The following H2BC10 variants were observed in gnomAD, a reference collection of about 807,000 sequenced individuals.
H2BC10 encodes H2B clustered histone 10, also known as histone H2B type 1-C/E/F/G/I.
In H2BC10, 6 loss-of-function variants were observed where a neutral mutation model predicts 6.4. The observed-to-expected ratio is 0.93, with a 90% confidence interval of 0.51 to 1.84. H2BC10 has a LOEUF of 1.84. Among genes scored for constraint, H2BC10 ranks in the 40% most tolerant of loss-of-function variants. H2BC10 has a pLI of 0.01. For synonymous variants in H2BC10, 120 were observed against 72.8 expected (o/e 1.65, Z -3.30); for missense variants, 191 against 168.7 (o/e 1.13, Z -0.73).
rs758401818 is a variant in H2BC10 at position 26,273,328 on chromosome 6, C to G, written c.353C>G (p.Ala118Gly). The G allele has an allele frequency of 2.5e-6, 4 of 1,614,030 alleles. No homozygotes were observed. Among genetic ancestry groups the G allele is most frequent in the Non-Finnish European group, 1.7e-6 (2 of 1,179,996 alleles). ...AKHAVSEGTK[A>G]VTKYTSSK is the part of the protein sequence containing the mutation. ...CACGCGGTGTCGGAGGGCACCAAGGCGGTCACCAAGTACACCAGCTCCAAG... is the reference window on the plus strand; with the variant it reads ...CACGCGGTGTCGGAGGGCACCAAGGGGGTCACCAAGTACACCAGCTCCAAG... Residue 118 changes from alanine to glycine, a missense_variant, in exon 1 of 1, where the codon GCG becomes GGG. By Grantham distance (60) the Ala-to-Gly change is moderately conservative (BLOSUM62 0). Transcript: ENST00000377733.
At position 26,272,967 on chromosome 6, in the gene H2BC10, G is replaced by A. The variant is rs372822451; in HGVS notation, c.-9G>A. On this transcript the variant is annotated 5_prime_UTR_variant, in exon 1 of 1. Coordinates refer to ENST00000377733, the MANE Select transcript of H2BC10 (RefSeq NM_003525.3). Reference sequence around the variant, plus strand: ...GTGGTCATTTGACGGTATCACTTCGGCTGCGAACATGCCTGAACCAGCTAA... The same window carrying A: ...GTGGTCATTTGACGGTATCACTTCGACTGCGAACATGCCTGAACCAGCTAA... The A allele has an allele frequency of 1.4e-5, 22 of 1,614,152 alleles. No homozygotes were observed. Among genetic ancestry groups the A allele is most frequent in the Non-Finnish European group, 1.9e-5 (22 of 1,180,030 alleles).
rs759342716 is a variant in H2BC10, at chr6:26,273,399, C to G, written c.*43C>G. 1 of 1,588,390 alleles carries G rather than the reference C, an allele frequency of 6.3e-7. No homozygotes were observed. Among genetic ancestry groups the G allele is most frequent in the South Asian group, 1.1e-5 (1 of 87,484 alleles). Reference sequence around the variant, plus strand: ...AAGCGCTAACGACCCAAAGGCTCTTCTAAGAGCCACCCATGTTGTCATTTA... The same window carrying G: ...AAGCGCTAACGACCCAAAGGCTCTTGTAAGAGCCACCCATGTTGTCATTTA... On this transcript the variant is annotated 3_prime_UTR_variant, in exon 1 of 1. Coordinates refer to ENST00000377733, the MANE Select transcript of H2BC10 (RefSeq NM_003525.3).
chr6:26,273,220 C>T lies in H2BC10; in HGVS notation c.245C>T (p.Ala82Val), dbSNP rs747843809. 1.9e-6 allele frequency: 3 copies of T among 1,614,200 alleles called. No homozygotes were observed. The highest frequency in any genetic ancestry group is 2.5e-6 in the Non-Finnish European group (3 of 1,180,034). Reference sequence around the variant, plus strand: ...ATTGCAGGCGAGGCTTCCCGCCTGGCGCATTATAACAAGCGCTCGACCATC... The same window carrying T: ...ATTGCAGGCGAGGCTTCCCGCCTGGTGCATTATAACAAGCGCTCGACCATC... The part of the protein sequence containing the change: ...ERIAGEASRL[A>V]HYNKRSTITS... Residue 82 changes from alanine (A) to valine (V), a missense_variant, in exon 1 of 1, where the codon GCG (alanine) becomes GTG (valine). Coordinates refer to ENST00000377733, the MANE Select transcript of H2BC10 (RefSeq NM_003525.3).
At position 26,273,154 on chromosome 6, in the gene H2BC10, T is replaced by C. The variant is rs747788870; in HGVS notation, c.179T>C (p.Met60Thr). The C allele has an allele frequency of 3.7e-6, 6 of 1,614,224 alleles. No individual in the cohort carries two copies. The highest frequency in any genetic ancestry group is 1.7e-5 in the Admixed American group (1 of 60,034). ...HPDTGISSKA[M>T]GIMNSFVNDI... is the part of the protein sequence containing the mutation. ...GACACCGGCATCTCGTCCAAGGCTA[T>C]GGGGATTATGAACTCCTTCGTCAAC... Residue 60 changes from methionine to threonine, a missense_variant, in exon 1 of 1, where the codon ATG becomes ACG. By Grantham distance (81) the Met-to-Thr change is moderately conservative (BLOSUM62 -1). Coordinates refer to ENST00000377733, the MANE Select transcript of H2BC10 (RefSeq NM_003525.3).
In H2BC10 at chr6:26,273,066, A is replaced by C. The variant is rs1760493273; in HGVS notation, c.91A>C (p.Lys31Gln). The C allele has an allele frequency of 6.2e-7, 1 of 1,614,262 alleles. No individual in the cohort carries two copies. The highest frequency in any genetic ancestry group is 8.5e-7 in the Non-Finnish European group (1 of 1,180,050). ...ACAGAAGAAGGATGGCAAGAAGCGCAAGCGCAGCCGCAAGGAGAGCTATTC... is the reference window on the plus strand; with the variant it reads ...ACAGAAGAAGGATGGCAAGAAGCGCCAGCGCAGCCGCAAGGAGAGCTATTC... Reference protein sequence around the residue: ...KAQKKDGKKRKRSRKESYSVY... With the variant: ...KAQKKDGKKRQRSRKESYSVY... The change falls in exon 1 of 1, where the codon AAG (lysine) becomes CAG (glutamine). Residue 31 changes from lysine (K) to glutamine (Q), a missense_variant. By Grantham distance (53) the Lys-to-Gln change is moderately conservative (BLOSUM62 1). Coordinates refer to ENST00000377733, the MANE Select transcript of H2BC10 (RefSeq NM_003525.3).
chr6:26,273,266 G>A lies in H2BC10; in HGVS notation c.291G>A (p.Thr97=). The A allele has an allele frequency of 1.2e-6, 2 of 1,614,224 alleles. No individual in the cohort carries two copies. The highest frequency in any genetic ancestry group is 1.7e-6 in the Non-Finnish European group (2 of 1,180,038). ...CCATCACTTCCAGGGAGATCCAAAC[G>A]GCTGTGCGCCTGCTGCTACCCGGGG... The part of the protein sequence containing the change: ...RSTITSREIQ[T]AVRLLLPGEL... The change falls in exon 1 of 1, where the codon ACG becomes ACA. Residue 97 remains threonine (T), a synonymous_variant. Transcript: ENST00000377733.
chr6:26,273,364 AC>A lies in H2BC10; in HGVS notation c.*10del. Reference sequence around the variant, plus strand: ...TACACCAGCTCCAAGTAAACTAGTTACCTGGGTAAAAGCGCTAACGACCCAA... The same window carrying A: ...TACACCAGCTCCAAGTAAACTAGTTACTGGGTAAAAGCGCTAACGACCCAA... On this transcript the variant is annotated 3_prime_UTR_variant, in exon 1 of 1. Transcript: ENST00000377733. 2 of 1,612,954 alleles carry A rather than the reference AC, an allele frequency of 1.2e-6. No individual in the cohort carries two copies. Among genetic ancestry groups the A allele is most frequent in the South Asian group, 2.2e-5 (2 of 90,998 alleles).
chr6:26,273,088 A>G lies in H2BC10; in HGVS notation c.113A>G (p.Tyr38Cys). Reference sequence around the variant, plus strand: ...CGCAAGCGCAGCCGCAAGGAGAGCTATTCCGTGTACGTGTACAAGGTGCTG... The same window carrying G: ...CGCAAGCGCAGCCGCAAGGAGAGCTGTTCCGTGTACGTGTACAAGGTGCTG... ...KKRKRSRKES[Y>C]SVYVYKVLKQ... Residue 38 changes from tyrosine to cysteine, a missense_variant, in exon 1 of 1, where the codon TAT becomes TGT. Transcript: ENST00000377733. The G allele has an allele frequency of 1.2e-6, 2 of 1,614,258 alleles. No homozygotes were observed. The highest frequency in any genetic ancestry group is 1.6e-4 in the Middle Eastern group (1 of 6,062).
chr6:26,273,378 G>T lies in H2BC10; in HGVS notation c.*22G>T. The T allele has an allele frequency of 1.2e-6, 2 of 1,609,310 alleles. No individual in the cohort carries two copies. Among genetic ancestry groups the T allele is most frequent in the Admixed American group, 1.7e-5 (1 of 59,058 alleles). Reference sequence around the variant, plus strand: ...GTAAACTAGTTACCTGGGTAAAAGCGCTAACGACCCAAAGGCTCTTCTAAG... The same window carrying T: ...GTAAACTAGTTACCTGGGTAAAAGCTCTAACGACCCAAAGGCTCTTCTAAG... On this transcript the variant is annotated 3_prime_UTR_variant, in exon 1 of 1. Transcript: ENST00000377733.
chr6:26,273,182 C>T lies in H2BC10; in HGVS notation c.207C>T (p.Asp69=), dbSNP rs763127270. The change falls in exon 1 of 1, where the codon GAC becomes GAT. Residue 69 remains aspartate, a synonymous_variant. Coordinates refer to ENST00000377733, the MANE Select transcript of H2BC10 (RefSeq NM_003525.3). ...AMGIMNSFVN[D]IFERIAGEAS... ...GGATTATGAACTCCTTCGTCAACGACATTTTCGAGCGCATTGCAGGCGAGG... is the reference window on the plus strand; with the variant it reads ...GGATTATGAACTCCTTCGTCAACGATATTTTCGAGCGCATTGCAGGCGAGG... 4 of 1,614,128 alleles carry T rather than the reference C, an allele frequency of 2.5e-6. No homozygotes were observed. Among genetic ancestry groups the T allele is most frequent in the Non-Finnish European group, 3.4e-6 (4 of 1,180,042 alleles).
chr6:26,273,324 A>C lies in H2BC10; in HGVS notation c.349A>C (p.Lys117Gln). 6.2e-7 allele frequency: 1 copy of C among 1,614,180 alleles called. No homozygotes were observed. Residue 117 changes from lysine to glutamine, a missense_variant, in exon 1 of 1, where the codon AAG (lysine) becomes CAG (glutamine). Coordinates refer to ENST00000377733, the MANE Select transcript of H2BC10 (RefSeq NM_003525.3). Reference protein sequence around the residue: ...LAKHAVSEGTKAVTKYTSSK With the variant: ...LAKHAVSEGTQAVTKYTSSK ...CAAACACGCGGTGTCGGAGGGCACCAAGGCGGTCACCAAGTACACCAGCTC... is the reference window on the plus strand; with the variant it reads ...CAAACACGCGGTGTCGGAGGGCACCCAGGCGGTCACCAAGTACACCAGCTC...
rs1232301972 is a variant in H2BC10, at chr6:26,273,191, G to A, written c.216G>A (p.Glu72=). Residue 72 remains glutamate, a synonymous_variant, in exon 1 of 1, where the codon GAG becomes GAA. Coordinates refer to ENST00000377733, the MANE Select transcript of H2BC10 (RefSeq NM_003525.3). ...ACTCCTTCGTCAACGACATTTTCGA[G>A]CGCATTGCAGGCGAGGCTTCCCGCC... ...IMNSFVNDIF[E]RIAGEASRLA... is the part of the protein sequence containing the mutation. 1.2e-6 allele frequency: 2 copies of A among 1,614,240 alleles called. No homozygotes were observed. The highest frequency in any genetic ancestry group is 1.7e-6 in the Non-Finnish European group (2 of 1,180,038).
rs776323126 is a variant in H2BC10, at chr6:26,272,945, G to C, written c.-31G>C. ...TTGGGCTCACCAGCATTTTCCTGTG[G>C]TCATTTGACGGTATCACTTCGGCTG... On this transcript the variant is annotated 5_prime_UTR_variant, in exon 1 of 1. Transcript: ENST00000377733. The C allele has an allele frequency of 1.4e-5, 22 of 1,613,576 alleles. No individual in the cohort carries two copies. The highest frequency in any genetic ancestry group is 1.8e-5 in the Non-Finnish European group (21 of 1,179,840).
Position 26,273,088 on chromosome 6 carries a change from A to C in H2BC10, c.113A>C (p.Tyr38Ser). Residue 38 changes from tyrosine (Y) to serine (S), a missense_variant, in exon 1 of 1, where the codon TAT (tyrosine) becomes TCT (serine). Coordinates refer to ENST00000377733, the MANE Select transcript of H2BC10 (RefSeq NM_003525.3). ...KKRKRSRKES[Y>S]SVYVYKVLKQ... is the part of the protein sequence containing the mutation. ...CGCAAGCGCAGCCGCAAGGAGAGCT[A>C]TTCCGTGTACGTGTACAAGGTGCTG... The C allele has an allele frequency of 1.2e-6, 2 of 1,614,258 alleles. No individual in the cohort carries two copies. The highest frequency in any genetic ancestry group is 1.7e-6 in the Non-Finnish European group (2 of 1,180,036).
Position 26,272,957 on chromosome 6 carries a change from T to C in H2BC10, c.-19T>C. On this transcript the variant is annotated 5_prime_UTR_variant, in exon 1 of 1. Transcript: ENST00000377733. ...GCATTTTCCTGTGGTCATTTGACGGTATCACTTCGGCTGCGAACATGCCTG... is the reference window on the plus strand; with the variant it reads ...GCATTTTCCTGTGGTCATTTGACGGCATCACTTCGGCTGCGAACATGCCTG... The C allele has an allele frequency of 6.2e-7, 1 of 1,614,076 alleles. No individual in the cohort carries two copies. The highest frequency in any genetic ancestry group is 2.2e-5 in the East Asian group (1 of 44,870).
Position 26,273,030 on chromosome 6 carries a change from G to A in H2BC10, c.55G>A (p.Val19Met), listed in dbSNP as rs1760491478. The A allele has an allele frequency of 6.2e-7, 1 of 1,614,106 alleles. No homozygotes were observed. Among genetic ancestry groups the A allele is most frequent in the African/African-American group, 1.3e-5 (1 of 74,940 alleles). The stretch of plus-strand genomic sequence containing the variant: ...CCCGAAGAAGGGCTCCAAGAAGGCG[G>A]TGACCAAGGCACAGAAGAAGGATGG... ...PAPKKGSKKA[V>M]TKAQKKDGKK... Residue 19 changes from valine to methionine, a missense_variant, in exon 1 of 1, where the codon GTG becomes ATG. Val to Met is a conservative substitution (Grantham distance 21, BLOSUM62 1). Coordinates refer to ENST00000377733, the MANE Select transcript of H2BC10 (RefSeq NM_003525.3).
Position 26,273,047 on chromosome 6 carries a change from G to T in H2BC10, c.72G>T (p.Lys24Asn). The T allele has an allele frequency of 6.2e-7, 1 of 1,614,268 alleles. No homozygotes were observed. Among genetic ancestry groups the T allele is most frequent in the Non-Finnish European group, 8.5e-7 (1 of 1,180,040 alleles). Reference sequence around the variant, plus strand: ...AGAAGGCGGTGACCAAGGCACAGAAGAAGGATGGCAAGAAGCGCAAGCGCA... The same window carrying T: ...AGAAGGCGGTGACCAAGGCACAGAATAAGGATGGCAAGAAGCGCAAGCGCA... Reference protein sequence around the residue: ...GSKKAVTKAQKKDGKKRKRSR... With the variant: ...GSKKAVTKAQNKDGKKRKRSR... The change falls in exon 1 of 1, where the codon AAG (lysine) becomes AAT (asparagine). Residue 24 changes from lysine (K) to asparagine (N), a missense_variant. Lys to Asn is a moderately conservative substitution (Grantham distance 94). Transcript: ENST00000377733.
In H2BC10 at chr6:26,273,167, C is replaced by T. The variant is rs776501775; in HGVS notation, c.192C>T (p.Asn64=). Residue 64 remains asparagine, a synonymous_variant, in exon 1 of 1, where the codon AAC becomes AAT. Coordinates refer to ENST00000377733, the MANE Select transcript of H2BC10 (RefSeq NM_003525.3). ...CGTCCAAGGCTATGGGGATTATGAACTCCTTCGTCAACGACATTTTCGAGC... is the reference window on the plus strand; with the variant it reads ...CGTCCAAGGCTATGGGGATTATGAATTCCTTCGTCAACGACATTTTCGAGC... ...GISSKAMGIM[N]SFVNDIFERI... 5.6e-6 allele frequency: 9 copies of T among 1,614,124 alleles called. No individual in the cohort carries two copies. Among genetic ancestry groups the T allele is most frequent in the South Asian group, 1.1e-5 (1 of 91,092 alleles).
chr6:26,272,968 C>T lies in H2BC10; in HGVS notation c.-8C>T. On this transcript the variant is annotated 5_prime_UTR_variant, in exon 1 of 1. Transcript: ENST00000377733. Reference sequence around the variant, plus strand: ...TGGTCATTTGACGGTATCACTTCGGCTGCGAACATGCCTGAACCAGCTAAG... The same window carrying T: ...TGGTCATTTGACGGTATCACTTCGGTTGCGAACATGCCTGAACCAGCTAAG... 2 of 1,614,058 alleles carry T rather than the reference C, an allele frequency of 1.2e-6. No homozygotes were observed. Among genetic ancestry groups the T allele is most frequent in the Non-Finnish European group, 1.7e-6 (2 of 1,180,020 alleles).
Sources: allele counts gnomAD v4.1 joint callset, GRCh38; gene constraint gnomAD v4.1.1; transcripts MANE v1.5; gene names NCBI Gene and HGNC (gene_info 2026-07-23, HGNC 2026-07-21).